GFOD2: variants seen among roughly 807,000 people sequenced by gnomAD.
GFOD2 encodes Gfo/Idh/MocA-like oxidoreductase domain containing 2.
GFOD2 carries 9 observed loss-of-function variants against 24.6 expected under a neutral mutation model. That is an observed-to-expected ratio of 0.37 (90% CI 0.22 to 0.64). The LOEUF (loss-of-function observed/expected upper bound fraction) is 0.64, where lower values mean the gene tolerates loss of function less well. Among genes scored for constraint, GFOD2 ranks in the 30% least tolerant of loss-of-function variants. The pLI is 0.65. For synonymous variants in GFOD2, 211 were observed against 224.8 expected, an observed-to-expected ratio of 0.94 and a Z score of 0.55; for missense variants, 476 against 532.5, an observed-to-expected ratio of 0.89 and a Z score of 1.04.
chr16:67,674,953 G>C lies in GFOD2; in HGVS notation c.*202C>G. The C allele has an allele frequency of 1.6e-6, 1 of 616,554 alleles. No homozygotes were observed. The highest frequency in any genetic ancestry group is 2.8e-6 in the Non-Finnish European group (1 of 354,822). 38.2% of individuals were successfully genotyped at this position (616,554 alleles called of 1,614,324 possible). On this transcript the variant is annotated 3_prime_UTR_variant, in exon 3 of 3. Transcript: ENST00000268797. ...TGCCCTGTGCACACCGTGGTAACCT[G>C]GCAACAGGAACATTTGCCACCCTGC...
In GFOD2 at chr16:67,675,026, C is replaced by G. The variant is rs2053172238; in HGVS notation, c.*129G>C. The G allele has an allele frequency of 2.0e-5, 21 of 1,066,036 alleles. No individual in the cohort carries two copies. Among genetic ancestry groups the G allele is most frequent in the Non-Finnish European group, 2.8e-5 (21 of 737,788 alleles). The allele number at this position is 1,066,036 out of a possible 1,614,324, so 66.0% of individuals were successfully genotyped here. ...ACTGGAGGGGGCGAAGTCCCAGAGC[C>G]ACCTCTGGCTTCACCCAGACTCATT... On this transcript the variant is annotated 3_prime_UTR_variant, in exon 3 of 3. Transcript: ENST00000268797.
At chr16:67,683,957 T>C in intron 2 of GFOD2, 2 of 989,834 alleles carry the variant, frequency 2.0e-6, no homozygotes, top group Non-Finnish European at 2.4e-6. Context: ...GTAATGTGTG[T>C]TATTTCTAGT....
At chr16:67,684,094 G>C (rs1054558438) in intron 2 of GFOD2, 1 of 181,124 alleles carries the variant, frequency 5.5e-6, no homozygotes, top group Non-Finnish European at 1.1e-5. Flanking sequence ...TTGAGGCTGG[G>C]TGTGGTGGCT....
chr16:67,707,465 A>G (rs2053446928), intron 1 of GFOD2, among the ~76,000 whole-genome samples: 1 of 152,152 alleles, frequency 6.6e-6, no homozygotes, highest in African/African-American at 2.4e-5. Flanking sequence ...ACCACTTTGG[A>G]AAATTGACAG....
intron 1 of GFOD2, among the ~76,000 whole-genome samples, chr16:67,698,601 C>A (rs2053375702): frequency 6.6e-6 from 1 of 152,162 alleles, no homozygotes; most frequent in African/African-American, 2.4e-5. Flanking sequence ...GCCTCAGCTT[C>A]CCGAGCAGCT....
At chr16:67,702,919 A>C (rs1032178338) in intron 1 of GFOD2, among the ~76,000 whole-genome samples, 1 of 152,106 alleles carries the variant, frequency 6.6e-6, no homozygotes, top group Admixed American at 6.6e-5. Context: ...TTACAGTAAA[A>C]AAAGAATCAC....
Position 67,674,872 on chromosome 16 carries a change from G to T in GFOD2, c.*283C>A. On this transcript the variant is annotated 3_prime_UTR_variant, in exon 3 of 3. Coordinates refer to ENST00000268797, the MANE Select transcript of GFOD2 (RefSeq NM_030819.4). ...ATCAGGCTGAAGGGCTCCCCAGGGTGAGCCTTTCCTGGTCCGACTCACTGG... is the reference window on the plus strand; with the variant it reads ...ATCAGGCTGAAGGGCTCCCCAGGGTTAGCCTTTCCTGGTCCGACTCACTGG... 2.3e-6 allele frequency: 1 copy of T among 431,670 alleles called. No homozygotes were observed. Among genetic ancestry groups the T allele is most frequent in the South Asian group, 3.8e-5 (1 of 26,172 alleles). 26.7% of individuals were successfully genotyped at this position (431,670 alleles called of 1,614,324 possible).
At chr16:67,694,414 G>A (rs544950994) in intron 1 of GFOD2, among the ~76,000 whole-genome samples, 6 of 152,038 alleles carry the variant, frequency 3.9e-5, no homozygotes, top group Non-Finnish European at 8.8e-5. Flanking sequence ...CAAGGTGGTG[G>A]GATTATAAGC....
intron 1 of GFOD2, among the ~76,000 whole-genome samples, chr16:67,695,626 C>T (rs1459451004): frequency 2.0e-5 from 3 of 151,340 alleles, no homozygotes; most frequent in South Asian, 4.2e-4. Context: ...ACCTCAGCCT[C>T]CTGGGTTCAA....
intron 1 of GFOD2, among the ~76,000 whole-genome samples, chr16:67,704,293 T>C (rs563356771): frequency 6.6e-6 from 1 of 152,346 alleles, no homozygotes; most frequent in African/African-American, 2.4e-5. Flanking sequence ...ACCAGCTTTG[T>C]GTCAGCTGAA....
intron 1 of GFOD2, among the ~76,000 whole-genome samples, chr16:67,707,740 TGA>T (rs1185752677): frequency 3.3e-5 from 5 of 152,178 alleles, no homozygotes; most frequent in Non-Finnish European, 7.3e-5. Flanking sequence ...TGTAGAGATG[TGA>T]GTCTCACTGT....
At chr16:67,700,389 A>T (rs1055959627) in intron 1 of GFOD2, among the ~76,000 whole-genome samples, 47 of 151,966 alleles carry the variant, frequency 3.1e-4, no homozygotes, top group Admixed American at 9.2e-4. Flanking sequence ...AAAAAAAATT[A>T]AATTTAATTT....
chr16:67,718,152 A>ATT (rs916519559), intron 1 of GFOD2, among the ~76,000 whole-genome samples: 1 of 152,230 alleles, frequency 6.6e-6, no homozygotes, highest in Non-Finnish European at 1.5e-5. Flanking sequence ...ATCACAATAA[A>ATT]TTTAAGTGCC....
At chr16:67,693,277 C>G (rs972032421) in intron 1 of GFOD2, among the ~76,000 whole-genome samples, 4 of 149,642 alleles carry the variant, frequency 2.7e-5, no homozygotes, top group African/African-American at 9.9e-5. Flanking sequence ...CCACACCTGG[C>G]TTTTTGGGTT....
intron 1 of GFOD2, among the ~76,000 whole-genome samples, chr16:67,700,514 C>T (rs1343652309): frequency 2.0e-5 from 3 of 152,116 alleles, no homozygotes; most frequent in African/African-American, 7.2e-5. Flanking sequence ...GAGTTTGAGA[C>T]CAGCCTGGCC....
Position 67,675,910 on chromosome 16 carries a change from G to C in GFOD2, c.403C>G (p.Gln135Glu), listed in dbSNP as rs548450884. The change falls in exon 3 of 3, where the codon CAG becomes GAG. Residue 135 changes from glutamine (Q) to glutamate (E), a missense_variant. Coordinates refer to ENST00000268797, the MANE Select transcript of GFOD2 (RefSeq NM_030819.4). ...CCCACATAGTGTTCCGAAATCAGCTGTTTCATGCGCACGAAGGCAGGCAGG... is the reference window on the plus strand; with the variant it reads ...CCCACATAGTGTTCCGAAATCAGCTCTTTCATGCGCACGAAGGCAGGCAGG... ...RFLPAFVRMK[Q>E]LISEHYVGAV... is the part of the protein sequence containing the mutation. 6.2e-7 allele frequency: 1 copy of C among 1,614,190 alleles called. No homozygotes were observed. The highest frequency in any genetic ancestry group is 1.1e-5 in the South Asian group (1 of 91,086).
At chr16:67,683,237 A>G in intron 2 of GFOD2, 1 of 1,079,944 alleles carries the variant, frequency 9.3e-7, no homozygotes, top group Non-Finnish European at 1.1e-6. Context: ...ACCAAGAACC[A>G]GAAAAAAAGC....
chr16:67,717,248 A>G (rs941890925), intron 1 of GFOD2, among the ~76,000 whole-genome samples: 3 of 152,178 alleles, frequency 2.0e-5, no homozygotes, highest in African/African-American at 7.2e-5. Flanking sequence ...TATACTTCCA[A>G]TGTATCTTCT....
At chr16:67,710,927 C>T (rs561492182) in intron 1 of GFOD2, among the ~76,000 whole-genome samples, 2 of 152,238 alleles carry the variant, frequency 1.3e-5, no homozygotes, top group South Asian at 4.1e-4. Context: ...TGAATAAAGT[C>T]TTCATCACCA....
Sources: allele counts gnomAD v4.1 joint callset (sites outside exome capture counted in the v4.1 genomes callset), GRCh38; gene constraint gnomAD v4.1.1; transcripts MANE v1.5; gene names NCBI Gene and HGNC (gene_info 2026-07-23, HGNC 2026-07-21).